ZC3H14: variants seen among roughly 807,000 people sequenced by gnomAD.
ZC3H14 encodes zinc finger CCCH domain-containing protein 14.
A neutral mutation model predicts 92.4 loss-of-function variants in ZC3H14; 31 were observed. That is an observed-to-expected ratio of 0.34 (90% confidence interval 0.25 to 0.45). The LOEUF is 0.45. Among genes scored for constraint, ZC3H14 ranks in the 20% least tolerant of loss-of-function variants. ZC3H14 has a pLI of 1.00. For missense variants in ZC3H14, 781 were observed against 897.3 expected (o/e 0.87, Z 1.66); for synonymous variants, 321 against 300.9 (o/e 1.07, Z -0.69).
chr14:88,584,430 A>G (rs945262108), intron 9 of ZC3H14, among the ~76,000 whole-genome samples: 27 of 152,256 alleles, frequency 1.8e-4, no homozygotes, highest in African/African-American at 6.5e-4. Context: ...TAAAACATAC[A>G]CATCTATTAT....
chr14:88,572,044 A>G lies in ZC3H14; in HGVS notation c.250A>G (p.Lys84Glu), dbSNP rs755512386. 9.9e-6 allele frequency: 16 copies of G among 1,613,786 alleles called. No homozygotes were observed. Among genetic ancestry groups the G allele is most frequent in the African/African-American group, 1.3e-5 (1 of 74,906 alleles). ...RSVTTEPSSLKSSDTNIFDSN... is the reference protein window; with the variant it reads ...RSVTTEPSSLESSDTNIFDSN... ...TTTCTTTTCAGAACCCTCTAGTCTG[A>G]AGTCTTCTGATACCAACATCTTTGA... The change falls in exon 5 of 17, where the codon AAG (lysine) becomes GAG (glutamate). Residue 84 changes from lysine (K) to glutamate (E), a missense_variant. Physicochemically the swap from Lys to Glu is moderately conservative, Grantham distance 56. Transcript: ENST00000251038.
In ZC3H14 at chr14:88,618,713, GTAGCTGATTC is replaced by G. The variant is rs2088228603; in HGVS notation, c.*6964_*6973del. The G allele has an allele frequency of 6.2e-7, 1 of 1,611,216 alleles. No individual in the cohort carries two copies. ...TGACAAAGCTTGGAATGTCTTTGCA[GTAGCTGATTC>G]TGTTAAGAGTGGGGCCCAGCGTTAG... is the stretch of plus-strand genomic sequence containing the variant. On this transcript the variant is annotated 3_prime_UTR_variant, in exon 17 of 17. Transcript: ENST00000251038.
chr14:88,579,395 G>A (rs2081600019), intron 9 of ZC3H14, among the ~76,000 whole-genome samples: 1 of 152,176 alleles, frequency 6.6e-6, no homozygotes, highest in Non-Finnish European at 1.5e-5. Flanking sequence ...AAATTGAGAA[G>A]AGGAGCTGAA....
chr14:88,595,058 A>T, intron 9 of ZC3H14: 1 of 1,613,448 alleles, frequency 6.2e-7, no homozygotes, highest in Non-Finnish European at 8.5e-7. Flanking sequence ...ACTGAATCAC[A>T]GTCAAGAACT....
At position 88,594,690 on chromosome 14, in the gene ZC3H14, A is replaced by G. The variant is rs376534940; in HGVS notation, c.1280-2044A>G. ...AAATTATCAGATTTTAAGGGAGAGA[A>G]TTTTATGAAAATGTCTTTGAGGTTC... On this transcript the variant is annotated intron_variant, in intron 9 of 16. Coordinates refer to ENST00000251038, the MANE Select transcript of ZC3H14 (RefSeq NM_024824.5). The G allele has an allele frequency of 5.0e-6, 8 of 1,613,276 alleles. No homozygotes were observed. The South Asian group carries it at 6.6e-5, about 13-fold the overall frequency.
rs531783271 is a variant in ZC3H14 at position 88,624,276 on chromosome 14, T to G, written c.*12525T>G. The G allele has an allele frequency of 6.6e-6, 1 of 152,438 alleles. No individual in the cohort carries two copies. Among genetic ancestry groups the G allele is most frequent in the Non-Finnish European group, 1.5e-5 (1 of 68,266 alleles). The allele number at this position is 152,438 out of a possible 1,614,324, so 9.4% of individuals were successfully genotyped here. Reference sequence around the variant, plus strand: ...TTTTTATAGCGATGGGGTTTCACCATGTTGCCCAGGCTGGTCTTGAACTCC... The same window carrying G: ...TTTTTATAGCGATGGGGTTTCACCAGGTTGCCCAGGCTGGTCTTGAACTCC... On this transcript the variant is annotated 3_prime_UTR_variant, in exon 17 of 17. Transcript: ENST00000251038.
chr14:88,581,426 T>C (rs1165676102), intron 9 of ZC3H14, among the ~76,000 whole-genome samples: 1 of 152,028 alleles, frequency 6.6e-6, no homozygotes, highest in Admixed American at 6.5e-5. Context: ...CTGGGTGTTG[T>C]GGTGTGCGCC....
chr14:88,589,208 G>T (rs1177650826), intron 9 of ZC3H14: 1 of 152,194 alleles, frequency 6.6e-6, no homozygotes, highest in African/African-American at 2.4e-5. Context: ...AGCTTTCAAT[G>T]AAGCAGACAA....
Position 88,614,050 on chromosome 14 carries a change from A to G in ZC3H14, c.*2299A>G, listed in dbSNP as rs139677260. 1 of 152,350 alleles carries G rather than the reference A, an allele frequency of 6.6e-6. No homozygotes were observed. Among genetic ancestry groups the G allele is most frequent in the Non-Finnish European group, 1.5e-5 (1 of 68,038 alleles). The allele number at this position is 152,350 out of a possible 1,614,324, so 9.4% of individuals were successfully genotyped here. A position where few individuals can be genotyped will look rare whatever the true frequency, so the allele number is the denominator to read the frequency against. On this transcript the variant is annotated 3_prime_UTR_variant, in exon 17 of 17. Coordinates refer to ENST00000251038, the MANE Select transcript of ZC3H14 (RefSeq NM_024824.5). Reference sequence around the variant, plus strand: ...AACAGTTTTATTCTATGTAGTTTACATGCTTAAGGTTACAGAGTTTCTACC... The same window carrying G: ...AACAGTTTTATTCTATGTAGTTTACGTGCTTAAGGTTACAGAGTTTCTACC...
chr14:88,573,340 A>G (rs2080713039), intron 6 of ZC3H14, among the ~76,000 whole-genome samples: 1 of 152,250 alleles, frequency 6.6e-6, no homozygotes, highest in African/African-American at 2.4e-5. Context: ...AGATCGTGCC[A>G]CTGCACTCCA....
intron 1 of ZC3H14, 177 bp from the exon 2 acceptor site, chr14:88,563,474 G>T (rs140164117): frequency 1.4e-6 from 2 of 1,477,238 alleles, no homozygotes; most frequent in South Asian, 1.3e-5. Flanking sequence ...CGCGGGGCTG[G>T]GGCTGGAGCT....
intron 9 of ZC3H14, among the ~76,000 whole-genome samples, chr14:88,584,472 AAC>A (rs1450777803): frequency 1.3e-5 from 2 of 152,230 alleles, no homozygotes; most frequent in African/African-American, 4.8e-5. Context: ...TATGCACACA[AAC>A]ACAGACTTTA....
intron 5 of ZC3H14, 130 bp from the exon 6 acceptor site, chr14:88,572,448 T>C: frequency 8.0e-7 from 1 of 1,255,382 alleles, no homozygotes; most frequent in Non-Finnish European, 1.1e-6. Context: ...TTCAAAGCAG[T>C]TTTGAATGGA....
chr14:88,597,083 G>A lies in ZC3H14; in HGVS notation c.1354+275G>A, dbSNP rs189244203. ...GGCTGTCACTCTCCTGCTGTCAGGA[G>A]TGACCTGCGTTTCTGATTTACCCTC... On this transcript the variant is annotated intron_variant, in intron 10 of 16. Coordinates refer to ENST00000251038, the MANE Select transcript of ZC3H14 (RefSeq NM_024824.5). 4.9e-4 allele frequency among the ~76,000 whole-genome samples: 75 copies of A among 152,286 alleles called. 1 individual carries two copies. The East Asian group carries it at 0.013, about 27-fold the overall frequency.
chr14:88,594,453 C>G, intron 9 of ZC3H14: 1 of 1,263,656 alleles, frequency 7.9e-7, no homozygotes, highest in Non-Finnish European at 1.0e-6. Context: ...TAGGGCCCTA[C>G]GTATTAGGGC....
At position 88,619,916 on chromosome 14, in the gene ZC3H14, C is replaced by G. The variant is rs569811331; in HGVS notation, c.*8165C>G. 2 of 152,224 alleles carry G rather than the reference C, an allele frequency of 1.3e-5. No individual in the cohort carries two copies. The highest frequency in any genetic ancestry group is 2.9e-5 in the Non-Finnish European group (2 of 68,086). 9.4% of individuals were successfully genotyped at this position (152,224 alleles called of 1,614,324 possible). A position where few individuals can be genotyped will look rare whatever the true frequency, so the allele number is the denominator to read the frequency against. ...CTGACTTCAGGTGATCTGCCTGCCT[C>G]GGCCTCCCAAAGTGCTGGGATTACA... On this transcript the variant is annotated 3_prime_UTR_variant, in exon 17 of 17. Coordinates refer to ENST00000251038, the MANE Select transcript of ZC3H14 (RefSeq NM_024824.5).
chr14:88,609,507 T>C (rs2086183008), intron 14 of ZC3H14, 104 bp downstream of exon 14: 6 of 1,579,494 alleles, frequency 3.8e-6, no homozygotes, highest in Non-Finnish European at 4.3e-6. Flanking sequence ...AGAAATAATT[T>C]TGGCAGGATC....
At chr14:88,598,447 A>G (rs574642910) in intron 10 of ZC3H14, among the ~76,000 whole-genome samples, 6 of 152,086 alleles carry the variant, frequency 3.9e-5, no homozygotes, top group Admixed American at 3.9e-4. Context: ...ATTATTATGT[A>G]ATGTTTATTT....
At chr14:88,584,631 G>A (rs1271561463) in intron 9 of ZC3H14, among the ~76,000 whole-genome samples, 1 of 152,176 alleles carries the variant, frequency 6.6e-6, no homozygotes, top group Non-Finnish European at 1.5e-5. Context: ...GGTGTTTTGA[G>A]TGTCCACTTA....
Sources: allele counts gnomAD v4.1 joint callset (sites outside exome capture counted in the v4.1 genomes callset), GRCh38; gene constraint gnomAD v4.1.1; transcripts MANE v1.5; gene names NCBI Gene and HGNC (gene_info 2026-07-23, HGNC 2026-07-21).